Variants in SLC2A13 observed in about 807,000 individuals in gnomAD.
SLC2A13 encodes proton myo-inositol cotransporter.
A neutral mutation model predicts 64.4 loss-of-function variants in SLC2A13; 32 were observed. The observed-to-expected ratio is 0.50, with a 90% CI of 0.37 to 0.67. The LOEUF (loss-of-function observed/expected upper bound fraction) is 0.67. Among genes scored for constraint, SLC2A13 ranks in the 30% least tolerant of loss-of-function variants. The pLI, the probability that SLC2A13 is intolerant of heterozygous loss-of-function variation, is 0.00. For missense variants in SLC2A13, 743 were observed against 829.2 expected, an observed-to-expected ratio of 0.90 and a Z score of 1.28; for synonymous variants, 338 against 327.1, an observed-to-expected ratio of 1.03 and a Z score of -0.36.
In SLC2A13 at chr12:39,758,307, T is replaced by TC. The variant is rs1481196926; in HGVS notation, c.*1718dup. 6.6e-6 allele frequency: 1 copy of TC among 151,918 alleles called. No homozygotes were observed. Among genetic ancestry groups the TC allele is most frequent in the East Asian group, 1.9e-4 (1 of 5,304 alleles). 9.4% of individuals were successfully genotyped at this position (151,918 alleles called of 1,614,324 possible). A position where few individuals can be genotyped will look rare whatever the true frequency, so the allele number is the denominator to read the frequency against. ...CCTCTGGTGACTTAGAGAATGAACT[T>TC]CCTCAGCTGTATTCTCAGCTTGATA... On this transcript the variant is annotated 3_prime_UTR_variant, in exon 10 of 10. Transcript: ENST00000280871.
chr12:39,786,500 G>A (rs1022653898), intron 7 of SLC2A13, among the ~76,000 whole-genome samples: 5 of 151,810 alleles, frequency 3.3e-5, no homozygotes, highest in African/African-American at 1.2e-4. Context: ...AAGCTCTCTG[G>A]GGCTGGTCAT....
At chr12:40,066,279 C>T (rs1229166051) in intron 1 of SLC2A13, among the ~76,000 whole-genome samples, 2 of 152,050 alleles carry the variant, frequency 1.3e-5, no homozygotes, top group Non-Finnish European at 2.9e-5. Flanking sequence ...AGTAAATGGC[C>T]CCAAAGCTAG....
chr12:39,893,446 C>T (rs576055737), intron 4 of SLC2A13, among the ~76,000 whole-genome samples: 48 of 152,278 alleles, frequency 3.2e-4, no homozygotes, highest in Admixed American at 3.3e-4. Flanking sequence ...ACTACAGGTG[C>T]GTGCCACCAC....
At chr12:40,028,636 T>C in intron 2 of SLC2A13, 127 bp from the exon 3 acceptor site, 1 of 829,302 alleles carries the variant, frequency 1.2e-6, no homozygotes, top group Non-Finnish European at 1.8e-6. Context: ...TATTTGTGCA[T>C]TTATGTGTGT....
intron 7 of SLC2A13, among the ~76,000 whole-genome samples, chr12:39,809,855 G>A (rs1281965862): frequency 6.6e-6 from 1 of 152,120 alleles, no homozygotes; most frequent in African/African-American, 2.4e-5. Flanking sequence ...TTTTATGGCT[G>A]CATAGTATTC....
intron 4 of SLC2A13, among the ~76,000 whole-genome samples, chr12:39,936,078 A>G (rs1945912807): frequency 6.6e-6 from 1 of 152,244 alleles, no homozygotes; most frequent in Non-Finnish European, 1.5e-5. Flanking sequence ...GACACATTAA[A>G]TCATTTATGT....
chr12:40,075,115 C>T (rs1264074664), intron 1 of SLC2A13, among the ~76,000 whole-genome samples: 1 of 152,158 alleles, frequency 6.6e-6, no homozygotes, highest in Non-Finnish European at 1.5e-5. Context: ...CTCCTTTTCC[C>T]TTCCTTGTGC....
At chr12:39,899,972 C>T (rs2136013096) in intron 4 of SLC2A13, among the ~76,000 whole-genome samples, 1 of 152,104 alleles carries the variant, frequency 6.6e-6, no homozygotes, top group African/African-American at 2.4e-5. Flanking sequence ...TCCAGCAGCA[C>T]ATCAAAAAGC....
Position 40,105,600 on chromosome 12 carries a change from C to G in SLC2A13, c.209G>C (p.Arg70Pro). 6.6e-7 allele frequency: 1 copy of G among 1,523,380 alleles called. No homozygotes were observed. The highest frequency in any genetic ancestry group is 8.8e-7 in the Non-Finnish European group (1 of 1,137,884). 94.4% of individuals were successfully genotyped at this position (1,523,380 alleles called of 1,614,324 possible). A position where few individuals can be genotyped will look rare whatever the true frequency, so the allele number is the denominator to read the frequency against. Residue 70 changes from arginine to proline, a missense_variant, in exon 1 of 10, where the codon CGG (arginine) becomes CCG (proline). By Grantham distance (103) the Arg-to-Pro change is moderately radical. Coordinates refer to ENST00000280871, the MANE Select transcript of SLC2A13 (RefSeq NM_052885.4). The surrounding 1 kb of genome is among the most constrained non-coding windows in gnomAD (Gnocchi z 4.2). Reference protein sequence around the residue: ...GVGDLERAARRQFQQDETPAF... With the variant: ...GVGDLERAARPQFQQDETPAF... Reference sequence around the variant, plus strand: ...GGGGGTCTCGTCCTGCTGGAACTGCCGCCGCGCCGCGCGCTCCAGGTCCCC... The same window carrying G: ...GGGGGTCTCGTCCTGCTGGAACTGCGGCCGCGCCGCGCGCTCCAGGTCCCC...
intron 7 of SLC2A13, among the ~76,000 whole-genome samples, chr12:39,801,694 T>C (rs928651040): frequency 2.0e-5 from 3 of 152,202 alleles, no homozygotes; most frequent in African/African-American, 4.8e-5. Context: ...TTTTCTGAAT[T>C]TTAGCAAATT....
Position 39,764,462 on chromosome 12 carries a change from T to C in SLC2A13, c.1718A>G (p.Tyr573Cys). ...FLHTAEYLTY[Y>C]GAFFLYAGFA... ...TGTTAGAAAAAATATTATCTTACCA[T>C]AGTATGTAAGATACTCTGCTGTGTG... is the stretch of plus-strand genomic sequence containing the variant. The change falls in exon 9 of 10, where the codon TAT becomes TGT. Residue 573 changes from tyrosine (Y) to cysteine (C), a missense_variant and splice_region_variant. Tyr to Cys is a radical substitution (Grantham distance 194). Around this residue, in one of 2 missense-constraint regions of SLC2A13, gnomAD observed 295 missense variants for 381.7 expected, o/e 0.77. Transcript: ENST00000280871. 1 of 1,569,470 alleles carries C rather than the reference T, an allele frequency of 6.4e-7. No individual in the cohort carries two copies. The highest frequency in any genetic ancestry group is 8.6e-7 in the Non-Finnish European group (1 of 1,164,908).
rs543876682 is a variant in SLC2A13 at position 39,896,353 on chromosome 12, T to C, written c.1035-24392A>G. On this transcript the variant is annotated intron_variant, in intron 4 of 9. Transcript: ENST00000280871. ...GTATATATGTATACATATATGTATG[T>C]ATATGTGTATATATGTATACATATA... Among the ~76,000 whole-genome samples the C allele has an allele frequency of 3.7e-4, 30 of 81,510 alleles. 2 individuals are homozygous for C. The highest frequency in any genetic ancestry group is 1.5e-3 in the African/African-American group (27 of 18,008). 53.5% of individuals were successfully genotyped at this position (81,510 alleles called of 152,430 possible). A position where few individuals can be genotyped will look rare whatever the true frequency, so the allele number is the denominator to read the frequency against.
chr12:39,943,192 C>T (rs1477023088), intron 4 of SLC2A13, among the ~76,000 whole-genome samples: 1 of 152,150 alleles, frequency 6.6e-6, no homozygotes, highest in Admixed American at 6.5e-5. Context: ...GTCTGTCGAC[C>T]CCTGCTGGGA....
chr12:39,801,759 A>AATCC (rs1941800111), intron 7 of SLC2A13, among the ~76,000 whole-genome samples: 3 of 152,238 alleles, frequency 2.0e-5, no homozygotes, highest in African/African-American at 7.2e-5. Context: ...GGGCGGGCTT[A>AATCC]GAATCCAAAA....
intron 4 of SLC2A13, among the ~76,000 whole-genome samples, chr12:39,887,610 G>A (rs1046916151): frequency 2.0e-5 from 3 of 152,202 alleles, no homozygotes; most frequent in African/African-American, 7.2e-5. Context: ...AAGCACCAGA[G>A]GGTAGACGTC....
chr12:39,940,761 T>C lies in SLC2A13; in HGVS notation c.1034+10496A>G, dbSNP rs567761502. Reference sequence around the variant, plus strand: ...TATTGGGGTACAGGTGGTATTTGGCTACATGAGTAACTTCTTTAGTGGTGA... The same window carrying C: ...TATTGGGGTACAGGTGGTATTTGGCCACATGAGTAACTTCTTTAGTGGTGA... On this transcript the variant is annotated intron_variant, in intron 4 of 9. Coordinates refer to ENST00000280871, the MANE Select transcript of SLC2A13 (RefSeq NM_052885.4). 2.0e-5 allele frequency among the ~76,000 whole-genome samples: 3 copies of C among 152,238 alleles called. No individual in the cohort carries two copies. In the South Asian group the frequency reaches 6.2e-4, roughly 32 times the overall value.
At chr12:39,801,339 T>TAAAAAAAAA (rs34671641) in intron 7 of SLC2A13, among the ~76,000 whole-genome samples, 2 of 126,864 alleles carry the variant, frequency 1.6e-5, no homozygotes, top group Non-Finnish European at 3.4e-5. Flanking sequence ...ATGAGGAAAT[T>TAAAAAAAAA]AAAAAAAAAA....
intron 4 of SLC2A13, among the ~76,000 whole-genome samples, chr12:39,922,961 G>GA (rs2136058606): frequency 2.6e-5 from 4 of 152,084 alleles, no homozygotes; most frequent in South Asian, 2.1e-4. Flanking sequence ...AAAATTGAAA[G>GA]AAAAAATGAA....
chr12:39,981,564 T>C (rs1011350371), intron 3 of SLC2A13, among the ~76,000 whole-genome samples: 3 of 149,012 alleles, frequency 2.0e-5, no homozygotes, highest in Non-Finnish European at 4.5e-5. Context: ...GCAAATAAAC[T>C]AGAAAATCTA....
Sources: gnomAD v4.1 joint callset for allele counts (sites outside exome capture counted in the v4.1 genomes callset) on GRCh38, gnomAD v4.1.1 for gene constraint, gnomAD v4.1.1 regional missense constraint, Gnocchi (gnomAD v3.1) non-coding constraint, MANE v1.5 for transcripts, NCBI Gene and HGNC (gene_info 2026-07-23, HGNC 2026-07-21) for gene names.